The following RAB6A variants were observed in gnomAD, a reference collection of about 807,000 sequenced individuals.
The protein encoded by RAB6A is RAB6A, member RAS oncogene family.
RAB6A carries 8 observed loss-of-function variants against 32.3 expected under a neutral mutation model. The ratio of observed to expected loss-of-function variants is 0.25; its 90% CI spans 0.15 to 0.45. The LOEUF (loss-of-function observed/expected upper bound fraction) is 0.45, where lower values mean the gene tolerates loss of function less well. RAB6A is among the 20% of genes least tolerant of loss of function. The pLI is 1.00. For missense variants in RAB6A, 104 were observed against 249.4 expected, an observed-to-expected ratio of 0.42 and a Z score of 3.93; for synonymous variants, 73 against 82.1, an observed-to-expected ratio of 0.89 and a Z score of 0.60.
At chr11:73,756,770 G>A (rs1946756758) in intron 1 of RAB6A, among the ~76,000 whole-genome samples, 1 of 152,052 alleles carries the variant, frequency 6.6e-6, no homozygotes, top group East Asian at 1.9e-4. Flanking sequence ...TCCACCTCCT[G>A]GGTTGCAGTT....
intron 1 of RAB6A, among the ~76,000 whole-genome samples, chr11:73,732,083 T>A (rs1288057427): frequency 6.6e-6 from 1 of 151,732 alleles, no homozygotes; most frequent in African/African-American, 2.4e-5. Flanking sequence ...TGTCATGAGG[T>A]CAAAAGTAGT....
intron 6 of RAB6A, among the ~76,000 whole-genome samples, chr11:73,690,712 A>C (rs1378350098): frequency 7.3e-5 from 11 of 151,486 alleles, no homozygotes; most frequent in Non-Finnish European, 1.6e-4. Flanking sequence ...AAAAAAAAAA[A>C]AAAAACCCAA....
chr11:73,757,098 CATATATATATATATATATAT>C (rs1170100550), intron 1 of RAB6A, among the ~76,000 whole-genome samples: 1 of 37,668 alleles, frequency 2.7e-5, no homozygotes, highest in Admixed American at 5.5e-4. Flanking sequence ...AATATACATA[CATATATATATATATATATAT>C]ATATATATAT....
intron 1 of RAB6A, among the ~76,000 whole-genome samples, chr11:73,752,034 G>T (rs940592750): frequency 6.6e-6 from 1 of 152,066 alleles, no homozygotes; most frequent in Admixed American, 6.6e-5. Context: ...CATCAAACAG[G>T]AAATAGAGAA....
intron 6 of RAB6A, among the ~76,000 whole-genome samples, chr11:73,694,363 G>T (rs554290833): frequency 6.6e-6 from 1 of 152,176 alleles, no homozygotes; most frequent in African/African-American, 2.4e-5. Flanking sequence ...TAAAGAATTT[G>T]CCATAGACCA....
chr11:73,690,497 T>C (rs1945533597), intron 6 of RAB6A, among the ~76,000 whole-genome samples: 1 of 151,854 alleles, frequency 6.6e-6, no homozygotes, highest in South Asian at 2.1e-4. Context: ...GCAATCCTCC[T>C]GCCTCAGCCT....
chr11:73,732,507 A>T (rs1946331064), intron 1 of RAB6A, among the ~76,000 whole-genome samples: 1 of 152,124 alleles, frequency 6.6e-6, no homozygotes, highest in Admixed American at 6.5e-5. Context: ...AATGGCGTGA[A>T]CCCGGGAGGC....
At position 73,679,692 on chromosome 11, in the gene RAB6A, G is replaced by A; in HGVS notation, c.524C>T (p.Pro175Leu). The A allele has an allele frequency of 1.2e-6, 2 of 1,613,432 alleles. No homozygotes were observed. Among genetic ancestry groups the A allele is most frequent in the Non-Finnish European group, 1.7e-6 (2 of 1,179,876 alleles). ...TCTGTCCTGTGTGCTTTCCATTCCC[G>A]GCAAAGCTGCTGCTACACGTCGAAA... ...QLFRRVAAAL[P>L]GMESTQDRSR... Residue 175 changes from proline to leucine, a missense_variant, in exon 7 of 8, where the codon CCG (proline) becomes CTG (leucine). Around this residue, in one of 4 missense-constraint regions of RAB6A, gnomAD observed 33 missense variants for 59.5 expected, o/e 0.55. Transcript: ENST00000336083.
rs1189409255 is a variant in RAB6A at position 73,753,177 on chromosome 11, G to A, written c.70+7389C>T. Among the ~76,000 whole-genome samples, 14 of 152,242 alleles carry A rather than the reference G, an allele frequency of 9.2e-5. No individual in the cohort carries two copies. In the East Asian group the frequency reaches 2.5e-3, roughly 28 times the overall value. ...AGGTGGGAGGATCACTTGAGCCCAG[G>A]AGCTCGTGGCTGCAGTGAGCTATAA... is the stretch of plus-strand genomic sequence containing the variant. On this transcript the variant is annotated intron_variant, in intron 1 of 7. Coordinates refer to ENST00000336083, the MANE Select transcript of RAB6A (RefSeq NM_198896.2).
At chr11:73,743,051 CCCAGCA>C (rs1471700082) in intron 1 of RAB6A, among the ~76,000 whole-genome samples, 1 of 152,016 alleles carries the variant, frequency 6.6e-6, no homozygotes, top group Non-Finnish European at 1.5e-5. Context: ...CGCCTGTAAT[CCCAGCA>C]CTTTGGGAGG....
intron 2 of RAB6A, among the ~76,000 whole-genome samples, chr11:73,726,835 G>GTTT (rs1391583525): frequency 6.6e-6 from 1 of 151,698 alleles, no homozygotes; most frequent in Non-Finnish European, 1.5e-5. Flanking sequence ...TGGGTTGAAG[G>GTTT]TTTTGATGTG....
chr11:73,710,163 T>A (rs1468086929), intron 5 of RAB6A, among the ~76,000 whole-genome samples: 15 of 148,542 alleles, frequency 1.0e-4, no homozygotes, highest in Admixed American at 1.0e-3. Flanking sequence ...AGACGGGGTT[T>A]CACCGTGTTA....
At chr11:73,719,401 G>A (rs776791622) in intron 3 of RAB6A, among the ~76,000 whole-genome samples, 73 of 152,334 alleles carry the variant, frequency 4.8e-4, no homozygotes, top group Non-Finnish European at 7.6e-4. Context: ...TACCGTGCTT[G>A]TATTTCTCCC....
At chr11:73,737,831 T>TA (rs574284379) in intron 1 of RAB6A, among the ~76,000 whole-genome samples, 3 of 150,730 alleles carry the variant, frequency 2.0e-5, no homozygotes, top group Admixed American at 6.6e-5. Context: ...CGTCTCTACT[T>TA]AAAAAAAATA....
intron 6 of RAB6A, among the ~76,000 whole-genome samples, chr11:73,702,249 A>G (rs1462274976): frequency 6.6e-6 from 1 of 152,018 alleles, no homozygotes; most frequent in Non-Finnish European, 1.5e-5. Context: ...GCAGCCTTGA[A>G]CTCCTGGGCT....
chr11:73,740,876 A>G (rs1946484533), intron 1 of RAB6A, among the ~76,000 whole-genome samples: 1 of 150,388 alleles, frequency 6.6e-6, no homozygotes, highest in African/African-American at 2.5e-5. Flanking sequence ...CAACAGAGTG[A>G]GACTCTGTCT....
intron 5 of RAB6A, among the ~76,000 whole-genome samples, chr11:73,708,370 T>G (rs1358247854): frequency 6.6e-6 from 1 of 152,154 alleles, no homozygotes; most frequent in Admixed American, 6.5e-5. Context: ...AGTTTCACCA[T>G]GTTGGCCAGG....
intron 1 of RAB6A, among the ~76,000 whole-genome samples, chr11:73,745,974 T>G (rs1291871638): frequency 6.6e-6 from 1 of 151,184 alleles, no homozygotes; most frequent in South Asian, 2.1e-4. Context: ...CACTCCAGCC[T>G]GGGCAAGAGT....
rs569671544 is a variant in RAB6A, at chr11:73,750,751, T to C, written c.70+9815A>G. Among the ~76,000 whole-genome samples the C allele has an allele frequency of 2.0e-5, 3 of 152,360 alleles. No homozygotes were observed. The South Asian group carries it at 6.2e-4, about 32-fold the overall frequency. ...CTGTGGATGGATACTTGTTTGCCTC[T>C]ACCTTTGGCTACTATGAATAATGCT... On this transcript the variant is annotated intron_variant, in intron 1 of 7. Coordinates refer to ENST00000336083, the MANE Select transcript of RAB6A (RefSeq NM_198896.2).
Sources: allele counts gnomAD v4.1 joint callset (sites outside exome capture counted in the v4.1 genomes callset), GRCh38; gene constraint gnomAD v4.1.1; regional missense constraint gnomAD v4.1.1; transcripts MANE v1.5; gene names NCBI Gene and HGNC (gene_info 2026-07-23, HGNC 2026-07-21).